The following TBC1D8 variants were observed in gnomAD, a reference collection of about 807,000 sequenced individuals.
The protein encoded by TBC1D8 is BUB2-like protein 1.
In TBC1D8, 65 loss-of-function variants were observed where a neutral mutation model predicts 118.8. The ratio of observed to expected loss-of-function variants is 0.55; its 90% CI spans 0.45 to 0.67. The LOEUF is 0.67. Among genes scored for constraint, TBC1D8 ranks in the 30% least tolerant of loss-of-function variants. The pLI is 0.00. For missense variants in TBC1D8, 1,376 were observed against 1,471.2 expected, an observed-to-expected ratio of 0.94 and a Z score of 1.06; for synonymous variants, 566 against 595.8, an observed-to-expected ratio of 0.95 and a Z score of 0.73.
At chr2:101,066,563 T>C (rs1683027214) in intron 2 of TBC1D8, among the ~76,000 whole-genome samples, 1 of 152,186 alleles carries the variant, frequency 6.6e-6, no homozygotes, top group Non-Finnish European at 1.5e-5. Flanking sequence ...TGTACAGACA[T>C]ACCTCAAAAA....
chr2:101,080,030 A>G (rs756875878), intron 2 of TBC1D8, among the ~76,000 whole-genome samples: 21 of 152,052 alleles, frequency 1.4e-4, no homozygotes, highest in Non-Finnish European at 2.8e-4. Context: ...ATCACTTTTG[A>G]TATCAGCATT....
intron 2 of TBC1D8, 32 bp from the exon 3 acceptor site, chr2:101,059,571 A>T (rs1299374477): frequency 8.6e-6 from 13 of 1,506,816 alleles, no homozygotes; most frequent in African/African-American, 6.9e-5. Context: ...TACAGAGATT[A>T]AAAAATGCAA....
rs528339786 is a variant in TBC1D8, at chr2:101,122,292, C to T, written c.127+28835G>A. Among the ~76,000 whole-genome samples, 186 of 148,190 alleles carry T rather than the reference C, an allele frequency of 1.3e-3. 1 individual carries two copies. Among genetic ancestry groups the T allele is most frequent in the African/African-American group, 4.5e-3 (180 of 40,296 alleles). ...TTCACCATATTGGCCAGGCTGGTCT[C>T]GAACTCCTGACCTCATGATCCACCT... is the stretch of plus-strand genomic sequence containing the variant. On this transcript the variant is annotated intron_variant, in intron 1 of 19. Transcript: ENST00000409318.
chr2:101,036,490 A>ATGGGAGGGAGGGGTGGGTAAGGGG (rs1681020809), intron 8 of TBC1D8, among the ~76,000 whole-genome samples: 1 of 127,106 alleles, frequency 7.9e-6, no homozygotes, highest in Non-Finnish European at 1.6e-5. Flanking sequence ...CCCAAATCAG[A>ATGGGAGGGAGGGGTGGGTAAGGGG]TGGGAGGGAG....
In TBC1D8 at chr2:101,021,722, T is replaced by A. The variant is rs746445422; in HGVS notation, c.2786A>T (p.Asn929Ile). The change falls in exon 17 of 20, where the codon AAT becomes ATT. Residue 929 changes from asparagine to isoleucine, a missense_variant. Asn to Ile is a moderately radical substitution (Grantham distance 149). Transcript: ENST00000409318. ...CLDIMYNGEM[N>I]EKIKLLYRLH... is the part of the protein sequence containing the mutation. ...CCTGTATAATAGTTTAATCTTCTCA[T>A]TCATTTCTCCATTATACATAATATC... 5 of 1,594,816 alleles carry A rather than the reference T, an allele frequency of 3.1e-6. No individual in the cohort carries two copies. The Admixed American group carries it at 8.7e-5, about 28-fold the overall frequency.
intron 1 of TBC1D8, among the ~76,000 whole-genome samples, chr2:101,126,823 G>A (rs369119456): frequency 5.3e-5 from 8 of 152,290 alleles, no homozygotes; most frequent in African/African-American, 1.7e-4. Context: ...TGTAGAAAAC[G>A]GCCAAGTCTT....
At chr2:101,054,852 T>A (rs1416094161) in intron 3 of TBC1D8, among the ~76,000 whole-genome samples, 1 of 150,896 alleles carries the variant, frequency 6.6e-6, no homozygotes, top group Non-Finnish European at 1.5e-5. Flanking sequence ...TGGGCTAATT[T>A]TGTATTTTTA....
At chr2:101,018,095 C>T (rs971396880) in intron 17 of TBC1D8, 1 of 622,518 alleles carries the variant, frequency 1.6e-6, no homozygotes, top group Non-Finnish European at 2.7e-6. Context: ...GATTTTGAAT[C>T]CAATCAACAC....
At chr2:101,094,950 G>A (rs934035169) in intron 1 of TBC1D8, among the ~76,000 whole-genome samples, 1 of 152,184 alleles carries the variant, frequency 6.6e-6, no homozygotes, top group Non-Finnish European at 1.5e-5. Context: ...CAGCTTCCCT[G>A]GAGCAGTTTA....
At chr2:101,092,936 T>C in intron 1 of TBC1D8, among the ~76,000 whole-genome samples, 1 of 152,112 alleles carries the variant, frequency 6.6e-6, no homozygotes, top group Non-Finnish European at 1.5e-5. Context: ...CAACACGGGT[T>C]TGAACTGTAT....
chr2:101,056,213 T>TA (rs1558660574), intron 3 of TBC1D8, among the ~76,000 whole-genome samples: 5 of 91,452 alleles, frequency 5.5e-5, no homozygotes, highest in African/African-American at 1.0e-4. Context: ...TATTATTTTT[T>TA]TTTTTTTTTT....
chr2:101,035,021 G>C (rs945619393), intron 9 of TBC1D8, among the ~76,000 whole-genome samples: 8 of 152,114 alleles, frequency 5.3e-5, no homozygotes, highest in African/African-American at 1.9e-4. Context: ...TGGGGGCTGG[G>C]GGGGAGACAG....
rs766080564 is a variant in TBC1D8 at position 101,022,541 on chromosome 2, A to T, written c.2521-20T>A. ...TTCTCTCTTCAAACAAGAGGGGGAA[A>T]GGGAGTTCTTACCACTTATTGAACA... On this transcript the variant is annotated intron_variant, in intron 15 of 19. Transcript: ENST00000409318. 6.3e-7 allele frequency: 1 copy of T among 1,584,134 alleles called. No homozygotes were observed. Among genetic ancestry groups the T allele is most frequent in the African/African-American group, 1.4e-5 (1 of 73,300 alleles).
At chr2:101,091,145 C>T (rs1486031199) in intron 1 of TBC1D8, among the ~76,000 whole-genome samples, 1 of 152,020 alleles carries the variant, frequency 6.6e-6, no homozygotes, top group African/African-American at 2.4e-5. Flanking sequence ...ATTAGCTGGG[C>T]GTGGTGGCAG....
intron 2 of TBC1D8, among the ~76,000 whole-genome samples, chr2:101,070,674 A>G (rs1683264007): frequency 6.6e-6 from 1 of 152,156 alleles, no homozygotes; most frequent in African/African-American, 2.4e-5. Context: ...CAGCCTCCCA[A>G]AGTGCTGGGA....
intron 5 of TBC1D8, among the ~76,000 whole-genome samples, chr2:101,048,486 C>A (rs1422489634): frequency 1.3e-5 from 2 of 152,130 alleles, no homozygotes; most frequent in East Asian, 3.9e-4. Context: ...AGAGGTGGCA[C>A]AAGACCATGT....
intron 18 of TBC1D8, 79 bp from the exon 19 acceptor site, chr2:101,011,105 G>A (rs1679176343): frequency 2.3e-6 from 3 of 1,330,520 alleles, no homozygotes; most frequent in Non-Finnish European, 3.2e-6. Context: ...GTAGGAGAGA[G>A]GAGCAAGGGG....
At chr2:101,022,078 C>T (rs568631254) in intron 16 of TBC1D8, among the ~76,000 whole-genome samples, 1 of 152,170 alleles carries the variant, frequency 6.6e-6, no homozygotes, top group Non-Finnish European at 1.5e-5. Flanking sequence ...ATGTTGAGAG[C>T]GTGGGCCCCT....
intron 2 of TBC1D8, among the ~76,000 whole-genome samples, chr2:101,072,337 G>T (rs1168519495): frequency 6.6e-6 from 1 of 152,120 alleles, no homozygotes; most frequent in Non-Finnish European, 1.5e-5. Context: ...GGGGGAGCAG[G>T]TGTGTCAAAA....
Sources: gnomAD v4.1 joint callset for allele counts (sites outside exome capture counted in the v4.1 genomes callset) on GRCh38, gnomAD v4.1.1 for gene constraint, MANE v1.5 for transcripts, NCBI Gene and HGNC (gene_info 2026-07-23, HGNC 2026-07-21) for gene names.